The following DICER1 variants were observed in gnomAD, a reference collection of about 807,000 sequenced individuals.
DICER1 encodes endoribonuclease Dicer.
In DICER1, 43 loss-of-function variants were observed where a neutral mutation model predicts 194.1. That is an observed-to-expected ratio of 0.22 (90% confidence interval 0.17 to 0.29). The LOEUF is 0.29. Among genes scored for constraint, DICER1 ranks in the 10% least tolerant of loss-of-function variants. The pLI, the probability that DICER1 is intolerant of heterozygous loss-of-function variation, is 1.00. For missense variants in DICER1, 1,608 were observed against 2,317.0 expected (o/e 0.69, Z 6.28); for synonymous variants, 832 against 820.5 (o/e 1.01, Z -0.24).
chr14:95,096,576 T>C lies in DICER1; in HGVS notation c.4344A>G (p.Glu1448=), dbSNP rs1890363872. 6.2e-7 allele frequency: 1 copy of C among 1,612,512 alleles called. No individual in the cohort carries two copies. Among genetic ancestry groups the C allele is most frequent in the Admixed American group, 1.7e-5 (1 of 59,834 alleles). ...YEDDFLEYDQ[E]HIRFIDNMLM... ...ACATATTATCTATAAATCTGATATG[T>C]TCCTGATCATACTCCAGGAAATCAT... The change falls in exon 23 of 27, where the codon GAA becomes GAG. Residue 1448 remains glutamate, a synonymous_variant. Coordinates refer to ENST00000343455, the MANE Select transcript of DICER1 (RefSeq NM_177438.3).
rs1595343137 is a variant in DICER1, at chr14:95,096,711, T to A, written c.4209A>T (p.Thr1403=). 2 of 1,603,760 alleles carry A rather than the reference T, an allele frequency of 1.2e-6. No individual in the cohort carries two copies. The highest frequency in any genetic ancestry group is 1.7e-6 in the Non-Finnish European group (2 of 1,174,438). ...NTDKWEKDEM[T]KDCMLANGKL... ...TGCCATTCGCCAGCATGCAGTCTTT[T>A]GTCTGAAACGAGGGGGAATGGGGAA... The change falls in exon 23 of 27, where the codon ACA becomes ACT. Residue 1403 remains threonine, a splice_region_variant and synonymous_variant. Coordinates refer to ENST00000343455, the MANE Select transcript of DICER1 (RefSeq NM_177438.3).
intron 1 of DICER1, among the ~76,000 whole-genome samples, chr14:95,151,366 C>T (rs1895501669): frequency 6.6e-6 from 1 of 152,174 alleles, no homozygotes; most frequent in South Asian, 2.1e-4. Flanking sequence ...TTTGGGGGCT[C>T]ACAATATAAT....
At chr14:95,154,480 T>C (rs1895714474) in intron 1 of DICER1, among the ~76,000 whole-genome samples, 1 of 152,168 alleles carries the variant, frequency 6.6e-6, no homozygotes, top group African/African-American at 2.4e-5. Context: ...GATGAATGGA[T>C]AAACAAAATG....
At position 95,105,218 on chromosome 14, in the gene DICER1, T is replaced by G; in HGVS notation, c.3122A>C (p.His1041Pro). 1 of 1,613,714 alleles carries G rather than the reference T, an allele frequency of 6.2e-7. No homozygotes were observed. ...QILVPELCAI[H>P]PIPASLWRKA... ...TCTCCACAGTGATGCTGGAATTGGATGTATAGCACAGAGTTCTGGAACCAG... is the reference window on the plus strand; with the variant it reads ...TCTCCACAGTGATGCTGGAATTGGAGGTATAGCACAGAGTTCTGGAACCAG... Residue 1041 changes from histidine to proline, a missense_variant, in exon 20 of 27, where the codon CAT (histidine) becomes CCT (proline). Physicochemically the swap from His to Pro is moderately conservative, Grantham distance 77 (BLOSUM62 -2). Coordinates refer to ENST00000343455, the MANE Select transcript of DICER1 (RefSeq NM_177438.3). This position sits in a 1 kb window ranked among gnomAD's most constrained non-coding sequence, Gnocchi z 4.9.
intron 1 of DICER1, among the ~76,000 whole-genome samples, chr14:95,156,485 G>C (rs1252601773): frequency 6.6e-6 from 1 of 152,184 alleles, no homozygotes; most frequent in Non-Finnish European, 1.5e-5. Context: ...CACACTCAGT[G>C]GTTTGCTGGC....
At chr14:95,138,840 A>ATAGCATT (rs1022461954) in intron 1 of DICER1, among the ~76,000 whole-genome samples, 2 of 130,686 alleles carry the variant, frequency 1.5e-5, no homozygotes, top group African/African-American at 5.7e-5. Flanking sequence ...GGGGGGAGGG[A>ATAGCATT]TAGCATTGGG....
chr14:95,123,824 T>C (rs1302036523), intron 8 of DICER1, among the ~76,000 whole-genome samples: 2 of 152,214 alleles, frequency 1.3e-5, no homozygotes, highest in Non-Finnish European at 2.9e-5. Context: ...TGGTGTGAAA[T>C]GCTTAACACA....
intron 1 of DICER1, among the ~76,000 whole-genome samples, chr14:95,156,769 G>A (rs904544986): frequency 2.6e-5 from 4 of 152,256 alleles, no homozygotes; most frequent in African/African-American, 4.8e-5. Context: ...GCCCAGCTTC[G>A]TCCCCTCCGG....
rs538202307 is a variant in DICER1 at position 95,093,827 on chromosome 14, T to C, written c.5364+61A>G. ...TTAGACCACTATGCCGTCAGAACTC[T>C]GAAACTACAGAGACTCCTAGTTAGA... On this transcript the variant is annotated intron_variant, in intron 24 of 26. Transcript: ENST00000343455. The C allele has an allele frequency of 1.4e-4, 215 of 1,579,224 alleles. No individual in the cohort carries two copies. In the East Asian group the frequency reaches 4.7e-3, roughly 34 times the overall value.
At chr14:95,153,168 G>A (rs1040784163) in intron 1 of DICER1, among the ~76,000 whole-genome samples, 2 of 149,862 alleles carry the variant, frequency 1.3e-5, no homozygotes, top group Non-Finnish European at 2.9e-5. Context: ...CGTGAGCTGA[G>A]ATCGCACCAC....
At chr14:95,093,536 C>T (rs1370008801) in intron 24 of DICER1, among the ~76,000 whole-genome samples, 1 of 152,228 alleles carries the variant, frequency 6.6e-6, no homozygotes, top group Non-Finnish European at 1.5e-5. Flanking sequence ...GGATAAGCTA[C>T]ACTGGGCTTT....
chr14:95,131,432 A>G, intron 4 of DICER1, 77 bp downstream of exon 4: 4 of 1,417,974 alleles, frequency 2.8e-6, no homozygotes, highest in Non-Finnish European at 4.0e-6. Context: ...TCAGACAACC[A>G]AGGCTACAGA....
intron 10 of DICER1, 46 bp from the exon 11 acceptor site, chr14:95,115,867 T>G (rs774712239): frequency 6.9e-6 from 11 of 1,586,570 alleles, no homozygotes; most frequent in Non-Finnish European, 3.5e-6. Context: ...ACATCCTCTC[T>G]GCTGTATGCT....
In DICER1 at chr14:95,106,091, G is replaced by A. The variant is rs1555370289; in HGVS notation, c.2937C>T (p.Asp979=). Residue 979 remains aspartate (D), a synonymous_variant, in exon 18 of 27, where the codon GAC becomes GAT. Transcript: ENST00000343455. ...GCAGTGGCTGGTTGAGATTGGTTAG[G>A]TCAAGGTTGTACTTTGTTTTATAAT... ...AEYYKTKYNL[D]LTNLNQPLLD... 3.1e-6 allele frequency: 5 copies of A among 1,614,178 alleles called. No homozygotes were observed. The highest frequency in any genetic ancestry group is 4.2e-6 in the Non-Finnish European group (5 of 1,180,030).
chr14:95,129,983 T>G, intron 5 of DICER1, 75 bp downstream of exon 5: 1 of 1,423,244 alleles, frequency 7.0e-7, no homozygotes, highest in Non-Finnish European at 9.8e-7. Flanking sequence ...TTATTGCTTT[T>G]GAAATCTAAA....
At chr14:95,110,861 C>T (rs866324654) in intron 14 of DICER1, among the ~76,000 whole-genome samples, 24 of 152,214 alleles carry the variant, frequency 1.6e-4, no homozygotes, top group South Asian at 8.3e-4. Context: ...GGGAATCTGA[C>T]ATAACTCCTG....
chr14:95,100,538 C>G (rs1566762512), intron 21 of DICER1, among the ~76,000 whole-genome samples: 1 of 152,142 alleles, frequency 6.6e-6, no homozygotes, highest in Non-Finnish European at 1.5e-5. Context: ...AAAAAATGAA[C>G]CAAAAGGTTT....
chr14:95,125,482 G>A (rs962490569), intron 7 of DICER1, among the ~76,000 whole-genome samples: 8 of 137,864 alleles, frequency 5.8e-5, no homozygotes, highest in African/African-American at 1.6e-4. Flanking sequence ...TGGCCAGGGT[G>A]TAACTGAGGA....
intron 8 of DICER1, among the ~76,000 whole-genome samples, chr14:95,123,576 C>T (rs1046339783): frequency 6.6e-6 from 1 of 152,142 alleles, no homozygotes; most frequent in African/African-American, 2.4e-5. Context: ...GCATACACCA[C>T]CACCGGCTAA....
Sources: gnomAD v4.1 joint callset for allele counts (sites outside exome capture counted in the v4.1 genomes callset) on GRCh38, gnomAD v4.1.1 for gene constraint, Gnocchi (gnomAD v3.1) non-coding constraint, MANE v1.5 for transcripts, NCBI Gene and HGNC (gene_info 2026-07-23, HGNC 2026-07-21) for gene names.